The following EBF3 variants were observed in gnomAD, a reference collection of about 807,000 sequenced individuals.
EBF3 encodes the protein transcription factor COE3.
In EBF3, 18 loss-of-function variants were observed where a neutral mutation model predicts 77.1. That is an observed-to-expected ratio of 0.23 (90% CI 0.16 to 0.35). The LOEUF (loss-of-function observed/expected upper bound fraction) is 0.35, where lower values mean the gene tolerates loss of function less well. Ranked by LOEUF, EBF3 falls within the 10% of genes least tolerant of loss-of-function variation. The pLI is 1.00. For missense variants in EBF3, 558 were observed against 860.0 expected (o/e 0.65, Z 4.39); for synonymous variants, 350 against 343.5 (o/e 1.02, Z -0.21).
At chr10:129,895,021 C>T (rs891411645) in intron 6 of EBF3, among the ~76,000 whole-genome samples, 13 of 152,174 alleles carry the variant, frequency 8.5e-5, no homozygotes, top group African/African-American at 1.7e-4. Flanking sequence ...GCCTGCAGGA[C>T]GGGTAAAGCC....
rs368474714 is a variant in EBF3 at position 129,843,141 on chromosome 10, T to C, written c.1190A>G (p.Asn397Ser). 2.1e-5 allele frequency: 34 copies of C among 1,612,932 alleles called. No homozygotes were observed. The East Asian group carries it at 7.4e-4, about 35-fold the overall frequency. ...GGGGAGCCGCCCTCCACCTACCTGG[T>C]TGTTGTGAGGCATTCCGTATAAGGC... ...VEALYGMPHN[N>S]QEIILKRAAD... Residue 397 changes from asparagine (N) to serine (S), a missense_variant, in exon 12 of 17, where the codon AAC (asparagine) becomes AGC (serine). This residue lies in a region of EBF3 where 284 missense variants were observed against 368.3 expected (regional missense o/e 0.77). Transcript: ENST00000440978.
Position 129,943,784 on chromosome 10 carries a change from C to T in EBF3, c.554+13474G>A, listed in dbSNP as rs1857969649. The stretch of plus-strand genomic sequence containing the variant: ...CAACACAGAAACAAAGATTCAGTCT[C>T]TTTAAGGTTTTTGGGCTTGATCCTT... On this transcript the variant is annotated intron_variant, in intron 6 of 16. Transcript: ENST00000440978. The surrounding 1 kb of genome is among the most constrained non-coding windows in gnomAD (Gnocchi z 8.8). Among the ~76,000 whole-genome samples, 1 of 152,206 alleles carries T rather than the reference C, an allele frequency of 6.6e-6. No individual in the cohort carries two copies. The highest frequency in any genetic ancestry group is 1.5e-5 in the Non-Finnish European group (1 of 68,040).
In EBF3 at chr10:129,842,320, C is replaced by A. The variant is rs1163417077; in HGVS notation, c.1195-27G>T. On this transcript the variant is annotated intron_variant, in intron 12 of 16. Coordinates refer to ENST00000440978, the MANE Select transcript of EBF3 (RefSeq NM_001375380.1). The surrounding 1 kb of genome is among the most constrained non-coding windows in gnomAD (Gnocchi z 4.4). ...TGCAGCAGGAGCAAGTGGGAGCCGG[C>A]CTGTCACCCCAGGCCCGGCCCAGCT... 1.9e-6 allele frequency: 3 copies of A among 1,556,474 alleles called. No homozygotes were observed. Among genetic ancestry groups the A allele is most frequent in the Non-Finnish European group, 2.6e-6 (3 of 1,150,010 alleles).
rs977254278 is a variant in EBF3, at chr10:129,841,866, C to T, written c.1372+250G>A. 6.6e-6 allele frequency among the ~76,000 whole-genome samples: 1 copy of T among 152,170 alleles called. No individual in the cohort carries two copies. The highest frequency in any genetic ancestry group is 2.4e-5 in the African/African-American group (1 of 41,450). ...CATTGAGGGAAACTTCTAGCAAATACCAGTGACCCGCATGGCATCCATTGG... is the reference window on the plus strand; with the variant it reads ...CATTGAGGGAAACTTCTAGCAAATATCAGTGACCCGCATGGCATCCATTGG... On this transcript the variant is annotated intron_variant, in intron 13 of 16. Transcript: ENST00000440978. This position sits in a 1 kb window ranked among gnomAD's most constrained non-coding sequence, Gnocchi z 4.6.
intron 6 of EBF3, among the ~76,000 whole-genome samples, chr10:129,932,855 A>G (rs1857115090): frequency 6.6e-6 from 1 of 150,788 alleles, no homozygotes; most frequent in South Asian, 2.1e-4. Flanking sequence ...GCCTTCACCT[A>G]TAACCAAGGC....
intron 14 of EBF3, 57 bp downstream of exon 14, chr10:129,840,786 TC>T: frequency 1.3e-6 from 2 of 1,561,976 alleles, no homozygotes; most frequent in Non-Finnish European, 1.7e-6. Flanking sequence ...ATGCACACAC[TC>T]GACTCGGTAG....
intron 6 of EBF3, among the ~76,000 whole-genome samples, chr10:129,926,148 G>A (rs1466168510): frequency 1.3e-5 from 2 of 152,216 alleles, no homozygotes; most frequent in African/African-American, 4.8e-5. Flanking sequence ...TGCTTCCCGA[G>A]GTGCTGTGTC....
At position 129,838,003 on chromosome 10, in the gene EBF3, C is replaced by T. The variant is rs377745550; in HGVS notation, c.1873-43G>A. 592 of 1,613,190 alleles carry T rather than the reference C, an allele frequency of 3.7e-4. 3 individuals carry two copies. The highest frequency in any genetic ancestry group is 1.6e-3 in the East Asian group (72 of 44,854). On this transcript the variant is annotated intron_variant, in intron 16 of 16. Coordinates refer to ENST00000440978, the MANE Select transcript of EBF3 (RefSeq NM_001375380.1). ...AGAGCAGTTACTGCAGGCTCCCCCA[C>T]GCGCCCTCCCGCCAACGCTGACGCG...
intron 11 of EBF3, among the ~76,000 whole-genome samples, chr10:129,846,737 G>GAAT (rs1322597741): frequency 6.6e-6 from 1 of 152,018 alleles, no homozygotes; most frequent in Admixed American, 6.5e-5. Context: ...GTTGTTTATT[G>GAAT]AAACTGCTAG....
Position 129,873,439 on chromosome 10 carries a change from A to G in EBF3, c.781+13T>C. On this transcript the variant is annotated intron_variant, in intron 8 of 16. Transcript: ENST00000440978. ...GCATCGCAAATAAAAAAAGACATGT[A>G]ACATGTGCCTACCATTTTCCAGATA... 6.6e-7 allele frequency: 1 copy of G among 1,514,950 alleles called. No individual in the cohort carries two copies. Among genetic ancestry groups the G allele is most frequent in the Non-Finnish European group, 8.9e-7 (1 of 1,128,660 alleles). The allele number at this position is 1,514,950 out of a possible 1,614,324, so 93.8% of individuals were successfully genotyped here.
chr10:129,920,577 C>G (rs988563563), intron 6 of EBF3, among the ~76,000 whole-genome samples: 3 of 152,346 alleles, frequency 2.0e-5, no homozygotes, highest in South Asian at 2.1e-4. Context: ...TTTCAACCAG[C>G]CTTTCTGGAA....
intron 6 of EBF3, among the ~76,000 whole-genome samples, chr10:129,937,811 C>T (rs1319833038): frequency 6.6e-6 from 1 of 152,206 alleles, no homozygotes; most frequent in African/African-American, 2.4e-5. Flanking sequence ...CTCCGAGCCA[C>T]ACTTTCCCCA....
Position 129,837,973 on chromosome 10 carries a change from A to T in EBF3, c.1873-13T>A. Reference sequence around the variant, plus strand: ...AGCCCAGACATAGCTGCAAGACAGAAGGACAGAGCAGTTACTGCAGGCTCC... The same window carrying T: ...AGCCCAGACATAGCTGCAAGACAGATGGACAGAGCAGTTACTGCAGGCTCC... On this transcript the variant is annotated splice_polypyrimidine_tract_variant and intron_variant, in intron 16 of 16. Transcript: ENST00000440978. The T allele has an allele frequency of 1.9e-6, 3 of 1,614,050 alleles. No homozygotes were observed. The highest frequency in any genetic ancestry group is 2.5e-6 in the Non-Finnish European group (3 of 1,179,978).
intron 6 of EBF3, among the ~76,000 whole-genome samples, chr10:129,934,195 C>G (rs1288791394): frequency 6.6e-6 from 1 of 152,062 alleles, no homozygotes; most frequent in African/African-American, 2.4e-5. Flanking sequence ...CCTCTTAGTC[C>G]TTGATCCATT....
At position 129,836,241 on chromosome 10, in the gene EBF3, T is replaced by G. The variant is rs905915734; in HGVS notation, c.*1702A>C. On this transcript the variant is annotated 3_prime_UTR_variant, in exon 17 of 17. Transcript: ENST00000440978. Reference sequence around the variant, plus strand: ...TTTAAAGAAGTTCACTTTTAAGGCATCAGAAAAGTTAATGTGGCAAACATT... The same window carrying G: ...TTTAAAGAAGTTCACTTTTAAGGCAGCAGAAAAGTTAATGTGGCAAACATT... 2 of 152,628 alleles carry G rather than the reference T, an allele frequency of 1.3e-5. No individual in the cohort carries two copies. Among genetic ancestry groups the G allele is most frequent in the Non-Finnish European group, 2.9e-5 (2 of 68,028 alleles). The allele number at this position is 152,628 out of a possible 1,614,324, so 9.5% of individuals were successfully genotyped here.
At chr10:129,921,630 A>G (rs949974706) in intron 6 of EBF3, among the ~76,000 whole-genome samples, 4 of 152,200 alleles carry the variant, frequency 2.6e-5, no homozygotes, top group Non-Finnish European at 1.5e-5. Context: ...CCTGAGTGAC[A>G]GGCCTGGCTA....
chr10:129,949,055 T>C (rs914115603), intron 6 of EBF3, among the ~76,000 whole-genome samples: 2 of 152,282 alleles, frequency 1.3e-5, no homozygotes, highest in Non-Finnish European at 1.5e-5. Flanking sequence ...TCCCAGCACT[T>C]TGGGAGGCCA....
intron 10 of EBF3, among the ~76,000 whole-genome samples, chr10:129,860,469 GT>G (rs1851539767): frequency 1.3e-5 from 2 of 152,228 alleles, no homozygotes; most frequent in Non-Finnish European, 2.9e-5. Flanking sequence ...GTGCTGAAGA[GT>G]CAATACCTTC....
chr10:129,844,733 C>A (rs766553630), intron 11 of EBF3, among the ~76,000 whole-genome samples: 87 of 152,022 alleles, frequency 5.7e-4, no homozygotes, highest in Non-Finnish European at 9.7e-4. Context: ...TTGGTGCCGA[C>A]GCTTGATGTT....
Sources: gnomAD v4.1 joint callset for allele counts (sites outside exome capture counted in the v4.1 genomes callset) on GRCh38, gnomAD v4.1.1 for gene constraint, gnomAD v4.1.1 regional missense constraint, Gnocchi (gnomAD v3.1) non-coding constraint, MANE v1.5 for transcripts, NCBI Gene and HGNC (gene_info 2026-07-23, HGNC 2026-07-21) for gene names.